Variants in CBLB observed in about 807,000 individuals in gnomAD.
CBLB encodes the protein Cbl proto-oncogene B, also known as E3 ubiquitin-protein ligase CBL-B.
In CBLB, 31 loss-of-function variants were observed where a neutral mutation model predicts 104.9. The observed-to-expected ratio is 0.30, with a 90% confidence interval of 0.22 to 0.40. CBLB has a LOEUF of 0.40. CBLB is among the 10% of genes least tolerant of loss of function. The probability of loss-of-function intolerance (pLI) is 1.00; values close to 1 mark genes in which losing one functional copy is unlikely to be tolerated. For missense variants in CBLB, 1,062 were observed against 1,214.6 expected, an observed-to-expected ratio of 0.87 and a Z score of 1.87; for synonymous variants, 440 against 422.6, an observed-to-expected ratio of 1.04 and a Z score of -0.51.
At chr3:105,852,214 A>T (rs754114345) in intron 3 of CBLB, among the ~76,000 whole-genome samples, 32 of 152,048 alleles carry the variant, frequency 2.1e-4, no homozygotes, top group Non-Finnish European at 3.2e-4. Flanking sequence ...CATGCATGTT[A>T]TTGCTCCATG....
chr3:105,749,765 C>T (rs560485324), intron 5 of CBLB: 3 of 308,362 alleles, frequency 9.7e-6, no homozygotes, highest in Non-Finnish European at 1.9e-5. Flanking sequence ...TTATCAGAAA[C>T]CTTTAAAGAA....
intron 9 of CBLB, among the ~76,000 whole-genome samples, chr3:105,727,668 G>A (rs897053545): frequency 2.6e-5 from 4 of 151,996 alleles, no homozygotes; most frequent in Non-Finnish European, 4.4e-5. Context: ...GGGTTTTTAC[G>A]GTTTTATGTC....
At chr3:105,698,375 G>T (rs1461412725) in intron 12 of CBLB, among the ~76,000 whole-genome samples, 1 of 152,052 alleles carries the variant, frequency 6.6e-6, no homozygotes, top group East Asian at 1.9e-4. Flanking sequence ...TGGATGATGG[G>T]AACTGACATA....
chr3:105,795,864 C>T (rs971810103), intron 3 of CBLB, among the ~76,000 whole-genome samples: 3 of 152,110 alleles, frequency 2.0e-5, no homozygotes, highest in African/African-American at 7.2e-5. Flanking sequence ...CTGCCTCAGC[C>T]TCCCGAGTAG....
intron 15 of CBLB, 38 bp from the exon 16 acceptor site, chr3:105,681,648 C>A (rs1341476762): frequency 4.3e-6 from 7 of 1,613,602 alleles, no homozygotes; most frequent in Non-Finnish European, 5.9e-6. Flanking sequence ...ATTTTCAGTA[C>A]AATGGCATGA....
chr3:105,867,629 GT>G lies in CBLB; in HGVS notation c.-14-39del, dbSNP rs775341357. 2.5e-5 allele frequency: 39 copies of G among 1,587,696 alleles called. No individual in the cohort carries two copies. In the Middle Eastern group the frequency reaches 4.9e-4, roughly 20 times the overall value. On this transcript the variant is annotated intron_variant, in intron 1 of 18. Coordinates refer to ENST00000394030, the MANE Select transcript of CBLB (RefSeq NM_170662.5). Reference sequence around the variant, plus strand: ...GATTTAAAAAAAGAAAAGTTAGTTGGTTTTGAAAATATTTACCCACCAGAAA... The same window carrying G: ...GATTTAAAAAAAGAAAAGTTAGTTGGTTTGAAAATATTTACCCACCAGAAA...
intron 17 of CBLB, chr3:105,672,909 A>G (rs1387196938): frequency 2.0e-5 from 3 of 152,156 alleles, no homozygotes; most frequent in Admixed American, 2.0e-4. Flanking sequence ...ATGACATATT[A>G]ACTGGAAAAT....
intron 3 of CBLB, among the ~76,000 whole-genome samples, chr3:105,799,428 CA>C (rs2082597705): frequency 6.6e-6 from 1 of 152,042 alleles, no homozygotes; most frequent in African/African-American, 2.4e-5. Flanking sequence ...ATAGATGAGG[CA>C]ACAGTTGCAT....
At chr3:105,822,405 T>C (rs1028325675) in intron 3 of CBLB, among the ~76,000 whole-genome samples, 1 of 152,216 alleles carries the variant, frequency 6.6e-6, no homozygotes, top group Non-Finnish European at 1.5e-5. Context: ...TGTCTTTCCA[T>C]GGCTGGTCAA....
intron 4 of CBLB, among the ~76,000 whole-genome samples, chr3:105,766,614 T>G (rs2078253616): frequency 6.6e-6 from 1 of 152,042 alleles, no homozygotes; most frequent in Non-Finnish European, 1.5e-5. Context: ...CTCAGCTGAT[T>G]GTTAGCATTT....
intron 12 of CBLB, among the ~76,000 whole-genome samples, chr3:105,700,009 C>G (rs1023337704): frequency 1.3e-5 from 2 of 152,148 alleles, no homozygotes; most frequent in Non-Finnish European, 2.9e-5. Context: ...TAAAGTTCAG[C>G]TTTCAATAAG....
chr3:105,785,859 T>G (rs1409330575), intron 3 of CBLB, among the ~76,000 whole-genome samples: 1 of 152,150 alleles, frequency 6.6e-6, no homozygotes, highest in East Asian at 1.9e-4. Context: ...CAATTCCCAC[T>G]CATTTTAGCC....
At position 105,786,063 on chromosome 3, in the gene CBLB, G is replaced by GGGC. The variant is rs1553794664; in HGVS notation, c.420-9522_420-9521insGCC. On this transcript the variant is annotated intron_variant, in intron 3 of 18. Transcript: ENST00000394030. ...CACATAACACTGTGTGAGAGGATCGGGGGGGGGAAAGTGGGTAAAATGAAA... is the reference window on the plus strand; with the variant it reads ...CACATAACACTGTGTGAGAGGATCGGGGCGGGGGGGAAAGTGGGTAAAATGAAA... Among the ~76,000 whole-genome samples the GGGC allele has an allele frequency of 2.9e-4, 39 of 134,014 alleles. 2 individuals carry two copies. The East Asian group carries it at 6.9e-3, about 24-fold the overall frequency. 87.9% of individuals were successfully genotyped at this position (134,014 alleles called of 152,430 possible).
At chr3:105,843,295 A>G (rs1042396531) in intron 3 of CBLB, among the ~76,000 whole-genome samples, 6 of 152,312 alleles carry the variant, frequency 3.9e-5, no homozygotes, top group Admixed American at 2.6e-4. Flanking sequence ...TTAATACTCC[A>G]TATTTTAATA....
chr3:105,859,607 A>T (rs1353921510), intron 2 of CBLB, among the ~76,000 whole-genome samples: 1 of 149,962 alleles, frequency 6.7e-6, no homozygotes, highest in African/African-American at 2.5e-5. Context: ...GTGAGCCGAG[A>T]TCGTGCCACT....
intron 18 of CBLB, among the ~76,000 whole-genome samples, chr3:105,662,068 T>C (rs2063837964): frequency 6.6e-6 from 1 of 152,188 alleles, no homozygotes; most frequent in Admixed American, 6.6e-5. Flanking sequence ...CAAGATCTGG[T>C]GCAACCTGAA....
intron 3 of CBLB, among the ~76,000 whole-genome samples, chr3:105,826,441 C>T (rs930265230): frequency 1.3e-5 from 2 of 152,122 alleles, no homozygotes; most frequent in Admixed American, 1.3e-4. Flanking sequence ...CAGTCTTTGC[C>T]GTCAGACAAA....
At chr3:105,862,366 C>T (rs1460256901) in intron 2 of CBLB, among the ~76,000 whole-genome samples, 2 of 152,190 alleles carry the variant, frequency 1.3e-5, no homozygotes, top group Non-Finnish European at 2.9e-5. Context: ...TCATTAAGTG[C>T]ATCACTGCCT....
At chr3:105,834,828 C>T (rs1022801456) in intron 3 of CBLB, among the ~76,000 whole-genome samples, 9 of 152,138 alleles carry the variant, frequency 5.9e-5, no homozygotes, top group Non-Finnish European at 8.8e-5. Context: ...ATGTGCCCTG[C>T]TTTTACCTTG....
Sources: allele counts gnomAD v4.1 joint callset (sites outside exome capture counted in the v4.1 genomes callset), GRCh38; gene constraint gnomAD v4.1.1; transcripts MANE v1.5; gene names NCBI Gene and HGNC (gene_info 2026-07-23, HGNC 2026-07-21).